DGKB: variants seen among roughly 807,000 people sequenced by gnomAD.
DGKB encodes the protein 90 kDa diacylglycerol kinase.
A neutral mutation model predicts 114.3 loss-of-function variants in DGKB; 67 were observed. The observed-to-expected ratio is 0.59, with a 90% confidence interval of 0.48 to 0.72. The LOEUF (loss-of-function observed/expected upper bound fraction) is 0.72. Ranked by LOEUF, DGKB falls within the 30% of genes least tolerant of loss-of-function variation. The pLI, the probability that DGKB is intolerant of heterozygous loss-of-function variation, is 0.00. For synonymous variants in DGKB, 398 were observed against 323.1 expected, an observed-to-expected ratio of 1.23 and a Z score of -2.49; for missense variants, 907 against 975.2, an observed-to-expected ratio of 0.93 and a Z score of 0.93.
At chr7:14,503,711 A>T (rs1786567136) in intron 20 of DGKB, among the ~76,000 whole-genome samples, 1 of 152,192 alleles carries the variant, frequency 6.6e-6, no homozygotes, top group Non-Finnish European at 1.5e-5. Flanking sequence ...TCTGGTGCAG[A>T]TGGCCAAAGA....
At chr7:14,577,148 C>T (rs1252981648) in intron 19 of DGKB, among the ~76,000 whole-genome samples, 1 of 152,138 alleles carries the variant, frequency 6.6e-6, no homozygotes, top group Non-Finnish European at 1.5e-5. Context: ...TGCTATTTTA[C>T]TTTCATTATT....
At chr7:14,782,436 G>T (rs1435306324) in intron 2 of DGKB, among the ~76,000 whole-genome samples, 4 of 151,964 alleles carry the variant, frequency 2.6e-5, no homozygotes, top group African/African-American at 9.7e-5. Context: ...CCCTCTAACT[G>T]GGTATATCTC....
intron 5 of DGKB, among the ~76,000 whole-genome samples, chr7:14,730,375 A>G (rs899271976): frequency 9.2e-5 from 14 of 152,090 alleles, no homozygotes; most frequent in African/African-American, 2.9e-4. Context: ...CCAGTTGCAC[A>G]CTCCAGGTGT....
At chr7:14,680,293 G>C (rs939117648) in intron 12 of DGKB, among the ~76,000 whole-genome samples, 1 of 151,910 alleles carries the variant, frequency 6.6e-6, no homozygotes. Flanking sequence ...TTGCCATAAT[G>C]ACAAACAAAA....
At chr7:14,869,266 G>C (rs1440763487) in intron 1 of DGKB, among the ~76,000 whole-genome samples, 1 of 152,116 alleles carries the variant, frequency 6.6e-6, no homozygotes, top group Admixed American at 6.5e-5. Context: ...TTAGATTTTA[G>C]CCTTGCCTTT....
At chr7:14,320,026 G>T (rs1368784715) in intron 23 of DGKB, among the ~76,000 whole-genome samples, 1 of 152,176 alleles carries the variant, frequency 6.6e-6, no homozygotes, top group South Asian at 2.1e-4. Flanking sequence ...TACCCCAAAA[G>T]CAGCACTGCT....
chr7:14,608,156 A>C (rs1331598382), intron 16 of DGKB, among the ~76,000 whole-genome samples: 4 of 152,048 alleles, frequency 2.6e-5, no homozygotes, highest in African/African-American at 9.7e-5. Flanking sequence ...GTTTCTATGC[A>C]TGCACATATC....
chr7:14,440,716 A>G (rs1418599739), intron 21 of DGKB, among the ~76,000 whole-genome samples: 1 of 152,180 alleles, frequency 6.6e-6, no homozygotes, highest in East Asian at 1.9e-4. Flanking sequence ...ACACTCTTAA[A>G]CAAGTATCCT....
chr7:14,757,805 G>C, intron 2 of DGKB, 74 bp from the exon 3 acceptor site: 1 of 715,614 alleles, frequency 1.4e-6, no homozygotes, highest in Non-Finnish European at 2.4e-6. Context: ...CAGAAACAGA[G>C]ACCACTTAAA....
chr7:14,498,014 G>T (rs1007840657), intron 20 of DGKB, among the ~76,000 whole-genome samples: 1 of 151,810 alleles, frequency 6.6e-6, no homozygotes, highest in Non-Finnish European at 1.5e-5. Context: ...TATGGATTAT[G>T]TTCCATTTTT....
intron 23 of DGKB, among the ~76,000 whole-genome samples, chr7:14,193,777 T>C (rs1328251955): frequency 1.3e-5 from 2 of 151,220 alleles, no homozygotes; most frequent in African/African-American, 2.4e-5. Context: ...GGAGAAAATA[T>C]ATGTAGACTA....
chr7:14,878,135 T>C (rs913593300), intron 1 of DGKB, among the ~76,000 whole-genome samples: 7 of 151,494 alleles, frequency 4.6e-5, no homozygotes, highest in African/African-American at 1.7e-4. Context: ...ACAAAAATTA[T>C]CTGTGTATTA....
intron 2 of DGKB, among the ~76,000 whole-genome samples, chr7:14,759,374 T>A (rs1016244340): frequency 1.1e-4 from 17 of 152,184 alleles, no homozygotes; most frequent in African/African-American, 3.9e-4. Flanking sequence ...TTCATCACCC[T>A]GTAAAGAAAC....
At chr7:14,620,308 T>C (rs1035960101) in intron 15 of DGKB, among the ~76,000 whole-genome samples, 2 of 151,194 alleles carry the variant, frequency 1.3e-5, no homozygotes, top group African/African-American at 2.4e-5. Flanking sequence ...GATTTTTAGA[T>C]AAAAAACAAA....
At chr7:14,387,152 G>A (rs938357584) in intron 21 of DGKB, among the ~76,000 whole-genome samples, 11 of 151,432 alleles carry the variant, frequency 7.3e-5, no homozygotes, top group African/African-American at 1.9e-4. Context: ...GGCTGGGCGC[G>A]GTGGCTCACG....
chr7:14,954,464 C>T (rs1786386005), intron 1 of DGKB, among the ~76,000 whole-genome samples: 2 of 152,026 alleles, frequency 1.3e-5, no homozygotes, highest in South Asian at 4.1e-4. Flanking sequence ...TTAATGATTT[C>T]AGCAGTATAG....
chr7:14,432,691 C>A (rs1304063039), intron 21 of DGKB, among the ~76,000 whole-genome samples: 7 of 152,140 alleles, frequency 4.6e-5, no homozygotes, highest in East Asian at 1.9e-4. Context: ...AAAAGGAGAA[C>A]AATTTGAGAT....
chr7:14,561,433 A>C (rs1223641510), intron 20 of DGKB, among the ~76,000 whole-genome samples: 2 of 152,206 alleles, frequency 1.3e-5, no homozygotes, highest in African/African-American at 2.4e-5. Context: ...GCTGTTTTAA[A>C]GATACCCCAA....
intron 1 of DGKB, among the ~76,000 whole-genome samples, chr7:14,871,777 T>G (rs866053432): frequency 2.6e-5 from 4 of 152,342 alleles, no homozygotes; most frequent in South Asian, 2.1e-4. Flanking sequence ...TGTTAACATA[T>G]TTATTAGGCA....
Sources: gnomAD v4.1 joint callset for allele counts (sites outside exome capture counted in the v4.1 genomes callset) on GRCh38, gnomAD v4.1.1 for gene constraint, MANE v1.5 for transcripts, NCBI Gene and HGNC (gene_info 2026-07-23, HGNC 2026-07-21) for gene names.